The following UBR3 variants were observed in gnomAD, a reference collection of about 807,000 sequenced individuals.
The protein encoded by UBR3 is ubiquitin protein ligase E3 component n-recognin 3.
Under a neutral mutation model 243.2 loss-of-function variants are expected in UBR3, and 85 were observed. That is an observed-to-expected ratio of 0.35 (90% confidence interval 0.29 to 0.42). The LOEUF is 0.42. UBR3 is among the 10% of genes least tolerant of loss of function. The probability of loss-of-function intolerance (pLI) is 1.00; values close to 1 mark genes in which losing one functional copy is unlikely to be tolerated. For missense variants in UBR3, 1,686 were observed against 2,300.8 expected (o/e 0.73, Z 5.47); for synonymous variants, 748 against 799.8 (o/e 0.94, Z 1.09).
chr2:169,918,196 A>G (rs1455692914), intron 11 of UBR3, among the ~76,000 whole-genome samples: 1 of 152,164 alleles, frequency 6.6e-6, no homozygotes, highest in Non-Finnish European at 1.5e-5. Flanking sequence ...TTGGCAGTGG[A>G]AAGAGCTTTA....
intron 30 of UBR3, among the ~76,000 whole-genome samples, chr2:170,027,363 G>C (rs2090556013): frequency 6.6e-6 from 1 of 150,978 alleles, no homozygotes; most frequent in African/African-American, 2.4e-5. Context: ...TATAGTAATG[G>C]TACTTCCTTT....
At chr2:169,871,252 C>A (rs2083427706) in intron 1 of UBR3, among the ~76,000 whole-genome samples, 1 of 151,786 alleles carries the variant, frequency 6.6e-6, no homozygotes, top group African/African-American at 2.4e-5. Context: ...AAGAGTTGTA[C>A]ATCAGCCTTG....
At chr2:169,851,103 G>A (rs6760915) in intron 1 of UBR3, among the ~76,000 whole-genome samples, 149,175 of 152,274 alleles carry the variant, frequency 0.98, 73,125 homozygotes, top group East Asian at 1. Flanking sequence ...TTTTATTAAC[G>A]TCTACCACCT....
At chr2:169,950,163 A>T in intron 23 of UBR3, 98 bp downstream of exon 23, 1 of 1,114,144 alleles carries the variant, frequency 9.0e-7, no homozygotes, top group South Asian at 1.7e-5. Flanking sequence ...GATGTTTAAC[A>T]GGAACAGTCA....
intron 1 of UBR3, among the ~76,000 whole-genome samples, chr2:169,839,278 A>G (rs1450948920): frequency 6.6e-6 from 1 of 152,234 alleles, no homozygotes; most frequent in Non-Finnish European, 1.5e-5. Flanking sequence ...CAGAAAGACA[A>G]ATATCACATG....
At position 169,951,934 on chromosome 2, in the gene UBR3, G is replaced by A. The variant is rs917629709; in HGVS notation, c.3545+1869G>A. ...ATAATGTTCCTTTTACCAAGATAAT[G>A]GAGTGTAGGAGGGGTCCCAGGCTCA... On this transcript the variant is annotated intron_variant, in intron 23 of 38. Coordinates refer to ENST00000272793, the MANE Select transcript of UBR3 (RefSeq NM_172070.4). Among the ~76,000 whole-genome samples the A allele has an allele frequency of 4.6e-5, 7 of 152,276 alleles. 1 individual carries two copies. The highest frequency in any genetic ancestry group is 3.4e-3 in the Middle Eastern group (1 of 294).
At chr2:170,044,908 A>AT (rs1360892629) in intron 32 of UBR3, among the ~76,000 whole-genome samples, 4 of 151,946 alleles carry the variant, frequency 2.6e-5, no homozygotes, top group Non-Finnish European at 5.9e-5. Flanking sequence ...AAAATTTACA[A>AT]TTATTATCTC....
intron 1 of UBR3, among the ~76,000 whole-genome samples, chr2:169,853,671 A>G (rs894650324): frequency 6.6e-6 from 1 of 151,874 alleles, no homozygotes; most frequent in African/African-American, 2.4e-5. Context: ...GCCAGTCACC[A>G]TCTCCTGACC....
chr2:169,891,291 C>T (rs1559065335), intron 6 of UBR3, 60 bp downstream of exon 6: 5 of 1,314,422 alleles, frequency 3.8e-6, no homozygotes, highest in Admixed American at 4.0e-5. Context: ...AATGCCTAAT[C>T]ACTAAAAATA....
At chr2:169,875,724 GTTATTT>G in intron 2 of UBR3, 61 bp from the exon 3 acceptor site, 3 of 1,315,572 alleles carry the variant, frequency 2.3e-6, no homozygotes, top group Non-Finnish European at 3.0e-6. Flanking sequence ...AATAAATACT[GTTATTT>G]TTAGTAAGAT....
intron 36 of UBR3, 140 bp downstream of exon 36, chr2:170,073,747 T>A: frequency 1.2e-6 from 1 of 835,736 alleles, no homozygotes; most frequent in Admixed American, 3.2e-5. Flanking sequence ...ATTGTTTACT[T>A]ATGTAGATTG....
rs1191836885 is a variant in UBR3 at position 169,872,308 on chromosome 2, T to C, written c.618T>C (p.Ser206=). 6.5e-7 allele frequency: 1 copy of C among 1,533,148 alleles called. No homozygotes were observed. Among genetic ancestry groups the C allele is most frequent in the South Asian group, 1.2e-5 (1 of 81,952 alleles). The allele number at this position is 1,533,148 out of a possible 1,614,324, so 95.0% of individuals were successfully genotyped here. A position where few individuals can be genotyped will look rare whatever the true frequency, so the allele number is the denominator to read the frequency against. ...PCVPKDLLMM[S]EFVLPRFIFC... ...TCCCTAAAGACTTACTGATGATGTC[T>C]GAATTTGTTCTTCCAAGATTTATAT... The change falls in exon 2 of 39, where the codon TCT becomes TCC. Residue 206 remains serine, a synonymous_variant. Coordinates refer to ENST00000272793, the MANE Select transcript of UBR3 (RefSeq NM_172070.4).
intron 5 of UBR3, among the ~76,000 whole-genome samples, chr2:169,887,988 C>G (rs183034757): frequency 0.044 from 6,617 of 151,816 alleles, 167 homozygotes; most frequent in Middle Eastern, 0.068. Flanking sequence ...GTTGGTCAGG[C>G]TGATCTCAAA....
intron 1 of UBR3, among the ~76,000 whole-genome samples, chr2:169,857,547 G>A (rs1226909407): frequency 6.6e-6 from 1 of 151,254 alleles, no homozygotes; most frequent in Non-Finnish European, 1.5e-5. Flanking sequence ...CTCCCAAGTA[G>A]CTGGGATTAC....
At chr2:169,875,415 C>T (rs2083570420) in intron 2 of UBR3, among the ~76,000 whole-genome samples, 1 of 152,148 alleles carries the variant, frequency 6.6e-6, no homozygotes, top group African/African-American at 2.4e-5. Flanking sequence ...CTGCCACCTT[C>T]ACCTCCAGGC....
At chr2:169,994,175 A>T in intron 25 of UBR3, 148 bp from the exon 26 acceptor site, 1 of 862,298 alleles carries the variant, frequency 1.2e-6, no homozygotes, top group Non-Finnish European at 1.7e-6. Context: ...GGAGAAAACT[A>T]GAATACCACT....
intron 5 of UBR3, among the ~76,000 whole-genome samples, chr2:169,890,577 A>ATGTG (rs1212701159): frequency 8.7e-6 from 1 of 115,414 alleles, no homozygotes; most frequent in African/African-American, 3.4e-5. Flanking sequence ...GTATATATAT[A>ATGTG]TATGTATATA....
chr2:169,946,684 A>G (rs2086802163), intron 21 of UBR3, among the ~76,000 whole-genome samples: 1 of 152,174 alleles, frequency 6.6e-6, no homozygotes, highest in African/African-American at 2.4e-5. Flanking sequence ...TGTAATTCCT[A>G]TCACAAAAAT....
chr2:169,940,049 T>C (rs1025660904), intron 19 of UBR3, among the ~76,000 whole-genome samples: 6 of 152,166 alleles, frequency 3.9e-5, no homozygotes, highest in African/African-American at 1.4e-4. Context: ...TTTTACACAG[T>C]ATTTGAAGAT....
Sources: allele counts gnomAD v4.1 joint callset (sites outside exome capture counted in the v4.1 genomes callset), GRCh38; gene constraint gnomAD v4.1.1; transcripts MANE v1.5; gene names NCBI Gene and HGNC (gene_info 2026-07-23, HGNC 2026-07-21).